ITK: variants seen among roughly 807,000 people sequenced by gnomAD.
The protein encoded by ITK is IL2 inducible T cell kinase.
Under a neutral mutation model 87.6 loss-of-function variants are expected in ITK, and 45 were observed. The observed-to-expected ratio is 0.51, with a 90% CI of 0.40 to 0.66. The LOEUF (loss-of-function observed/expected upper bound fraction) is 0.66. Ranked by LOEUF, ITK falls within the 30% of genes least tolerant of loss-of-function variation. The pLI is 0.00. For missense variants in ITK, 605 were observed against 766.3 expected, an observed-to-expected ratio of 0.79 and a Z score of 2.48; for synonymous variants, 303 against 273.6, an observed-to-expected ratio of 1.11 and a Z score of -1.06.
chr5:157,188,776 AT>A lies in ITK; in HGVS notation c.138+7663del, dbSNP rs1476720031. On this transcript the variant is annotated intron_variant, in intron 1 of 16. Coordinates refer to ENST00000422843, the MANE Select transcript of ITK (RefSeq NM_005546.4). ...AGAAGTGCATCACCACGCCTGGCTAATTCTGTTGTTGATTTATTTCCCATCT... is the reference window on the plus strand; with the variant it reads ...AGAAGTGCATCACCACGCCTGGCTAATCTGTTGTTGATTTATTTCCCATCT... 2.0e-5 allele frequency among the ~76,000 whole-genome samples: 3 copies of A among 152,136 alleles called. No homozygotes were observed. In the East Asian group the frequency reaches 5.8e-4, roughly 29 times the overall value.
intron 10 of ITK, 122 bp from the exon 11 acceptor site, chr5:157,241,524 T>C: frequency 2.7e-6 from 2 of 737,000 alleles, no homozygotes; most frequent in Non-Finnish European, 2.4e-6. Context: ...TTGGGATTTG[T>C]TTTCCAGAAT....
intron 1 of ITK, among the ~76,000 whole-genome samples, chr5:157,204,523 C>A (rs2113749258): frequency 6.6e-6 from 1 of 152,234 alleles, no homozygotes; most frequent in East Asian, 1.9e-4. Context: ...CACGGTGAAA[C>A]CCCCTCTTTA....
intron 6 of ITK, among the ~76,000 whole-genome samples, chr5:157,226,322 G>C (rs1356899181): frequency 6.6e-6 from 1 of 152,228 alleles, no homozygotes; most frequent in Non-Finnish European, 1.5e-5. Context: ...ACAACTATGA[G>C]AGTTACCATT....
Position 157,206,927 on chromosome 5 carries a change from A to G in ITK, c.139-1962A>G, listed in dbSNP as rs551831092. On this transcript the variant is annotated intron_variant, in intron 1 of 16. Transcript: ENST00000422843. ...TGGTTATTTCTTTTCCTGTATCTTA[A>G]TTACAGAGATTATGACACAAATGTA... 2.7e-4 allele frequency among the ~76,000 whole-genome samples: 41 copies of G among 152,174 alleles called. No individual in the cohort carries two copies. The South Asian group carries it at 8.1e-3, about 30-fold the overall frequency.
chr5:157,180,945 G>T lies in ITK; in HGVS notation c.-33G>T. 1 of 1,611,212 alleles carries T rather than the reference G, an allele frequency of 6.2e-7. No individual in the cohort carries two copies. On this transcript the variant is annotated 5_prime_UTR_variant, in exon 1 of 17. The change abolishes an upstream ATG in the 5' untranslated region. Transcript: ENST00000422843. ...TCCTTTGGTTGTGCTAAGAGGTGAT[G>T]CCCAAGGTGCACCACCTTTCAAGAA...
intron 12 of ITK, chr5:157,244,027 A>G (rs1173577768): frequency 3.0e-6 from 2 of 668,160 alleles, no homozygotes; most frequent in African/African-American, 3.6e-5. Flanking sequence ...CCTCCAGTCC[A>G]TGACATGCCA....
intron 1 of ITK, among the ~76,000 whole-genome samples, chr5:157,185,541 A>G (rs967029733): frequency 1.1e-4 from 16 of 151,984 alleles, no homozygotes; most frequent in South Asian, 2.1e-4. Flanking sequence ...CGCCTGGCCT[A>G]TGTTTTTAAA....
At chr5:157,233,965 T>TA (rs1561661212) in intron 8 of ITK, among the ~76,000 whole-genome samples, 36 of 18,772 alleles carry the variant, frequency 1.9e-3, no homozygotes, top group South Asian at 0.01. Context: ...ATATATATAT[T>TA]TTTTTTTTTT....
At chr5:157,211,615 T>A in intron 3 of ITK, 1 of 525,998 alleles carries the variant, frequency 1.9e-6, no homozygotes, top group Non-Finnish European at 3.5e-6. Context: ...ATAACTCATT[T>A]CAAATAGTTT....
At chr5:157,199,903 C>G (rs1287098640) in intron 1 of ITK, 2 of 152,198 alleles carry the variant, frequency 1.3e-5, no homozygotes. Context: ...GCCCCCTCAT[C>G]TATCTATCAA....
chr5:157,241,503 A>AT, intron 10 of ITK, 143 bp from the exon 11 acceptor site: 1 of 693,964 alleles, frequency 1.4e-6, no homozygotes, highest in Non-Finnish European at 2.6e-6. Flanking sequence ...TATGATATCA[A>AT]TAATTAGGCT....
intron 6 of ITK, among the ~76,000 whole-genome samples, chr5:157,226,468 A>T (rs1431462002): frequency 6.6e-6 from 1 of 152,230 alleles, no homozygotes; most frequent in African/African-American, 2.4e-5. Context: ...ATACAGAAGG[A>T]ATGGCAAATT....
At chr5:157,213,652 G>A (rs1284320897) in intron 3 of ITK, 2 of 430,208 alleles carry the variant, frequency 4.6e-6, no homozygotes, top group Non-Finnish European at 9.1e-6. Flanking sequence ...AAAGTACTGG[G>A]ATTACAAGCA....
Position 157,240,110 on chromosome 5 carries a change from C to T in ITK, c.900C>T (p.Asp300=). Residue 300 remains aspartate (D), a synonymous_variant, in exon 10 of 17, where the codon GAC becomes GAT. Coordinates refer to ENST00000422843, the MANE Select transcript of ITK (RefSeq NM_005546.4). ...ATTATCACATCAAGGAAACAAATGA[C>T]AATCCTAAGCGATACTATGTGGCTG... The part of the protein sequence containing the change: ...IKHYHIKETN[D]NPKRYYVAEK... 1 of 1,612,154 alleles carries T rather than the reference C, an allele frequency of 6.2e-7. No homozygotes were observed. Among genetic ancestry groups the T allele is most frequent in the Non-Finnish European group, 8.5e-7 (1 of 1,178,202 alleles).
intron 1 of ITK, among the ~76,000 whole-genome samples, chr5:157,187,002 T>C (rs1036912938): frequency 1.3e-5 from 2 of 152,222 alleles, no homozygotes; most frequent in African/African-American, 4.8e-5. Context: ...ATCTAACACA[T>C]GGTCTCGTCT....
At chr5:157,207,662 G>A (rs1041279773) in intron 1 of ITK, among the ~76,000 whole-genome samples, 15 of 152,018 alleles carry the variant, frequency 9.9e-5, no homozygotes, top group Non-Finnish European at 2.9e-5. Flanking sequence ...TTACAGGCGT[G>A]AGCCACCATG....
At chr5:157,249,793 C>T (rs1384710335) in intron 16 of ITK, among the ~76,000 whole-genome samples, 2 of 152,044 alleles carry the variant, frequency 1.3e-5, no homozygotes, top group Non-Finnish European at 2.9e-5. Flanking sequence ...CTTTTATAAT[C>T]AGAAACAAAG....
chr5:157,253,715 G>C lies in ITK; in HGVS notation c.*1037G>C, dbSNP rs1416132651. 1.8e-5 allele frequency: 4 copies of C among 221,354 alleles called. No homozygotes were observed. Among genetic ancestry groups the C allele is most frequent in the African/African-American group, 8.9e-5 (4 of 44,750 alleles). 13.7% of individuals were successfully genotyped at this position (221,354 alleles called of 1,614,324 possible). On this transcript the variant is annotated 3_prime_UTR_variant, in exon 17 of 17. Coordinates refer to ENST00000422843, the MANE Select transcript of ITK (RefSeq NM_005546.4). Reference sequence around the variant, plus strand: ...GCAATTGAAACTTGTTTAGGCCCTAGGGTTGAGCAATTTTAAGGTTGAGAC... The same window carrying C: ...GCAATTGAAACTTGTTTAGGCCCTACGGTTGAGCAATTTTAAGGTTGAGAC...
intron 6 of ITK, among the ~76,000 whole-genome samples, chr5:157,223,415 G>A (rs1754466094): frequency 6.6e-6 from 1 of 151,816 alleles, no homozygotes; most frequent in Non-Finnish European, 1.5e-5. Context: ...AAAAGAAAAT[G>A]TGTGTATAGA....
Sources: allele counts gnomAD v4.1 joint callset (sites outside exome capture counted in the v4.1 genomes callset), GRCh38; gene constraint gnomAD v4.1.1; transcripts MANE v1.5; gene names NCBI Gene and HGNC (gene_info 2026-07-23, HGNC 2026-07-21).